The following OSBPL6 variants were observed in gnomAD, a reference collection of about 807,000 sequenced individuals.
OSBPL6 encodes the protein oxysterol binding protein like 6, also known as oxysterol-binding protein-related protein 6.
OSBPL6 carries 49 observed loss-of-function variants against 125.8 expected under a neutral mutation model. The observed-to-expected ratio is 0.39, with a 90% CI of 0.31 to 0.49. The LOEUF is 0.49. Among genes scored for constraint, OSBPL6 ranks in the 20% least tolerant of loss-of-function variants. The pLI is 0.88. For missense variants in OSBPL6, 986 were observed against 1,135.4 expected (o/e 0.87, Z 1.89); for synonymous variants, 394 against 391.8 (o/e 1.01, Z -0.07).
chr2:178,259,922 T>C (rs991405856), intron 1 of OSBPL6, among the ~76,000 whole-genome samples: 1 of 152,194 alleles, frequency 6.6e-6, no homozygotes, highest in Non-Finnish European at 1.5e-5. Context: ...TCTGTTTCCC[T>C]ATGTGAAACT....
Position 178,339,085 on chromosome 2 carries a change from T to C in OSBPL6, c.885T>C (p.Thr295=). 6.2e-7 allele frequency: 1 copy of C among 1,600,302 alleles called. No homozygotes were observed. Residue 295 remains threonine, a synonymous_variant, in exon 10 of 25, where the codon ACT becomes ACC. Transcript: ENST00000190611. Reference sequence around the variant, plus strand: ...GAACTCAGTCGGCACCTAACTTTACTGACATGCAGGTAAACATATTCCTGC... The same window carrying C: ...GAACTCAGTCGGCACCTAACTTTACCGACATGCAGGTAAACATATTCCTGC... ...LQRTQSAPNF[T]DMQANCVDIS...
chr2:178,224,807 C>A (rs1299128848), intron 1 of OSBPL6, among the ~76,000 whole-genome samples: 2 of 152,190 alleles, frequency 1.3e-5, no homozygotes, highest in Non-Finnish European at 1.5e-5. Context: ...TGGTAGCATG[C>A]ACCTGTAGTC....
rs535245386 is a variant in OSBPL6, at chr2:178,376,602, C to G, written c.1533+2575C>G. On this transcript the variant is annotated intron_variant, in intron 15 of 24. Coordinates refer to ENST00000190611, the MANE Select transcript of OSBPL6 (RefSeq NM_032523.4). ...AATCTTCCTAAAAGGCAAATCTGAT[C>G]ATGTCCGTATTCCTAAGGACACTGT... 4.3e-4 allele frequency among the ~76,000 whole-genome samples: 66 copies of G among 152,232 alleles called. No homozygotes were observed. The Middle Eastern group carries it at 0.01, about 24-fold the overall frequency.
chr2:178,225,061 A>G (rs186406166), intron 1 of OSBPL6, among the ~76,000 whole-genome samples: 2 of 151,962 alleles, frequency 1.3e-5, no homozygotes, highest in South Asian at 2.1e-4. Context: ...AAACACATCT[A>G]AAGAATCTAT....
chr2:178,377,394 AC>A (rs1178190204), intron 15 of OSBPL6, among the ~76,000 whole-genome samples: 1 of 152,020 alleles, frequency 6.6e-6, no homozygotes, highest in Non-Finnish European at 1.5e-5. Context: ...TCCAGAGAAA[AC>A]CGTTCCCATG....
intron 4 of OSBPL6, 139 bp from the exon 5 acceptor site, chr2:178,328,117 A>C: frequency 9.0e-7 from 1 of 1,116,924 alleles, no homozygotes. Context: ...TGATGTTAGA[A>C]TTTGCTCCGG....
intron 9 of OSBPL6, among the ~76,000 whole-genome samples, chr2:178,338,303 G>T (rs1236557945): frequency 6.6e-6 from 1 of 151,854 alleles, no homozygotes; most frequent in African/African-American, 2.4e-5. Context: ...ATATTTTATT[G>T]TATAGATTTT....
intron 9 of OSBPL6, among the ~76,000 whole-genome samples, chr2:178,338,589 C>T (rs911566608): frequency 6.6e-6 from 1 of 152,160 alleles, no homozygotes; most frequent in Non-Finnish European, 1.5e-5. Flanking sequence ...TTGATTTTAA[C>T]GCTACCCAAA....
chr2:178,383,367 T>C, intron 17 of OSBPL6, 90 bp downstream of exon 17: 1 of 1,475,290 alleles, frequency 6.8e-7, no homozygotes, highest in Non-Finnish European at 9.0e-7. Flanking sequence ...ATATTTGGCA[T>C]TTGCATAATA....
intron 1 of OSBPL6, among the ~76,000 whole-genome samples, chr2:178,256,931 A>C (rs891841439): frequency 6.6e-6 from 1 of 152,096 alleles, no homozygotes; most frequent in Admixed American, 6.5e-5. Context: ...TCTCAATATG[A>C]CTTGTATTTT....
At chr2:178,373,552 T>C (rs1213510041) in intron 14 of OSBPL6, among the ~76,000 whole-genome samples, 1 of 152,216 alleles carries the variant, frequency 6.6e-6, no homozygotes, top group African/African-American at 2.4e-5. Flanking sequence ...TCATGTTTAA[T>C]GTACCGTTAG....
intron 2 of OSBPL6, among the ~76,000 whole-genome samples, chr2:178,303,723 A>G (rs1686498682): frequency 6.6e-6 from 1 of 152,046 alleles, no homozygotes; most frequent in Non-Finnish European, 1.5e-5. Flanking sequence ...ATTTCCTTTG[A>G]CCATTTCTTG....
At chr2:178,247,579 T>C (rs2091540201) in intron 1 of OSBPL6, among the ~76,000 whole-genome samples, 1 of 152,150 alleles carries the variant, frequency 6.6e-6, no homozygotes, top group Non-Finnish European at 1.5e-5. Context: ...GTGTTTTCAA[T>C]TTCTCCTTCT....
At chr2:178,370,354 C>T (rs1053678950) in intron 13 of OSBPL6, among the ~76,000 whole-genome samples, 1 of 152,120 alleles carries the variant, frequency 6.6e-6, no homozygotes, top group African/African-American at 2.4e-5. Flanking sequence ...GACACCAAAG[C>T]ATATCTGGTT....
intron 1 of OSBPL6, among the ~76,000 whole-genome samples, chr2:178,243,358 T>C (rs185068189): frequency 1.5e-3 from 223 of 151,698 alleles, no homozygotes; most frequent in African/African-American, 5.2e-3. Context: ...CTCAAAGGCA[T>C]CTTTAACTTC....
intron 1 of OSBPL6, among the ~76,000 whole-genome samples, chr2:178,252,304 G>C (rs374666122): frequency 1.1e-5 from 1 of 87,628 alleles, no homozygotes; most frequent in African/African-American, 6.3e-5. Context: ...AAATATTTGA[G>C]GGTTGATTGG....
At chr2:178,225,536 G>A (rs1390588924) in intron 1 of OSBPL6, among the ~76,000 whole-genome samples, 1 of 152,208 alleles carries the variant, frequency 6.6e-6, no homozygotes, top group Non-Finnish European at 1.5e-5. Flanking sequence ...AAACCGTGGT[G>A]TCAGTCAGAG....
chr2:178,357,877 A>G (rs891383655), intron 12 of OSBPL6, among the ~76,000 whole-genome samples: 1 of 152,374 alleles, frequency 6.6e-6, no homozygotes, highest in African/African-American at 2.4e-5. Flanking sequence ...AATGTGGCAC[A>G]TATACACCAT....
chr2:178,375,142 C>G (rs1037911581), intron 15 of OSBPL6, among the ~76,000 whole-genome samples: 15 of 152,184 alleles, frequency 9.9e-5, no homozygotes, highest in African/African-American at 3.4e-4. Flanking sequence ...GTAGGCAAAT[C>G]TGCATGGCAA....
Sources: allele counts gnomAD v4.1 joint callset (sites outside exome capture counted in the v4.1 genomes callset), GRCh38; gene constraint gnomAD v4.1.1; transcripts MANE v1.5; gene names NCBI Gene and HGNC (gene_info 2026-07-23, HGNC 2026-07-21).